GLRA3: variants seen among roughly 807,000 people sequenced by gnomAD.
The protein encoded by GLRA3 is glycine receptor alpha 3.
A neutral mutation model predicts 60.4 loss-of-function variants in GLRA3; 44 were observed. The ratio of observed to expected loss-of-function variants is 0.73; its 90% CI spans 0.57 to 0.94. The LOEUF (loss-of-function observed/expected upper bound fraction) is 0.94, where lower values mean the gene tolerates loss of function less well. GLRA3 is among the 40% of genes least tolerant of loss of function. The pLI, the probability that GLRA3 is intolerant of heterozygous loss-of-function variation, is 0.00. For synonymous variants in GLRA3, 223 were observed against 192.9 expected, an observed-to-expected ratio of 1.16 and a Z score of -1.29; for missense variants, 508 against 564.6, an observed-to-expected ratio of 0.90 and a Z score of 1.02.
At chr4:174,704,301 T>C (rs1475068865) in intron 5 of GLRA3, among the ~76,000 whole-genome samples, 3 of 142,882 alleles carry the variant, frequency 2.1e-5, no homozygotes, top group Non-Finnish European at 4.7e-5. Context: ...ATACAAAAAA[T>C]GGTGACAGCT....
At chr4:174,697,667 T>C (rs1735113250) in intron 5 of GLRA3, among the ~76,000 whole-genome samples, 2 of 152,214 alleles carry the variant, frequency 1.3e-5, no homozygotes. Context: ...CATTTTAACG[T>C]ATATCACAGA....
chr4:174,665,232 A>G lies in GLRA3; in HGVS notation c.928-6035T>C, dbSNP rs1478529944. ...CTCCACTCTGCCTCAGCTGCTTTGTATTTACTTTTTTTTTTTTTTTTTTTG... is the reference window on the plus strand; with the variant it reads ...CTCCACTCTGCCTCAGCTGCTTTGTGTTTACTTTTTTTTTTTTTTTTTTTG... On this transcript the variant is annotated intron_variant, in intron 7 of 9. Transcript: ENST00000274093. Among the ~76,000 whole-genome samples, 3 of 92,488 alleles carry G rather than the reference A, an allele frequency of 3.2e-5. No homozygotes were observed. The East Asian group carries it at 9.9e-4, about 30-fold the overall frequency. The allele number at this position is 92,488 out of a possible 152,430, so 60.7% of individuals were successfully genotyped here. A position where few individuals can be genotyped will look rare whatever the true frequency, so the allele number is the denominator to read the frequency against.
In GLRA3 at chr4:174,642,311, A is replaced by G; in HGVS notation, c.*1475T>C. On this transcript the variant is annotated 3_prime_UTR_variant, in exon 10 of 10. Transcript: ENST00000274093. The stretch of plus-strand genomic sequence containing the variant: ...GTTAAAGAACTGGCTTTTCTATTGT[A>G]CATCTGAGTTCATTGTTTTCTTAAT... The G allele has an allele frequency of 3.1e-6, 3 of 957,808 alleles. No individual in the cohort carries two copies. The highest frequency in any genetic ancestry group is 3.7e-6 in the Non-Finnish European group (3 of 812,914). The allele number at this position is 957,808 out of a possible 1,614,324, so 59.3% of individuals were successfully genotyped here. A position where few individuals can be genotyped will look rare whatever the true frequency, so the allele number is the denominator to read the frequency against.
chr4:174,788,160 T>C (rs1274360848), intron 2 of GLRA3, among the ~76,000 whole-genome samples: 1 of 152,060 alleles, frequency 6.6e-6, no homozygotes, highest in Non-Finnish European at 1.5e-5. Flanking sequence ...TATTTTACCA[T>C]TAAAGTGAAA....
chr4:174,680,449 T>TA (rs1734299167), intron 6 of GLRA3, among the ~76,000 whole-genome samples: 1 of 152,236 alleles, frequency 6.6e-6, no homozygotes, highest in Non-Finnish European at 1.5e-5. Flanking sequence ...TTTGGGCGTT[T>TA]AACACATATT....
intron 7 of GLRA3, among the ~76,000 whole-genome samples, chr4:174,666,780 T>A (rs867492050): frequency 0.025 from 3,611 of 144,978 alleles, 107 homozygotes; most frequent in African/African-American, 0.064. Flanking sequence ...TATATATATA[T>A]AATTGGATTT....
At chr4:174,823,064 G>T (rs1740809210) in intron 1 of GLRA3, among the ~76,000 whole-genome samples, 1 of 152,070 alleles carries the variant, frequency 6.6e-6, no homozygotes, top group East Asian at 1.9e-4. Flanking sequence ...TACTGTTACT[G>T]AACAGCTCAT....
intron 3 of GLRA3, among the ~76,000 whole-genome samples, chr4:174,735,804 T>C (rs1271672797): frequency 6.6e-6 from 1 of 152,148 alleles, no homozygotes; most frequent in East Asian, 1.9e-4. Flanking sequence ...TCAGGTGATA[T>C]GCCCACGTCA....
intron 3 of GLRA3, among the ~76,000 whole-genome samples, chr4:174,752,898 A>G (rs1291539387): frequency 2.0e-5 from 3 of 152,128 alleles, no homozygotes; most frequent in Non-Finnish European, 4.4e-5. Context: ...AGAAACTACT[A>G]AAATTTTTGA....
intron 5 of GLRA3, among the ~76,000 whole-genome samples, chr4:174,686,037 G>T (rs2110987552): frequency 6.6e-6 from 1 of 152,226 alleles, no homozygotes; most frequent in South Asian, 2.1e-4. Context: ...TCTTGCTTTT[G>T]TTTAAAACAG....
At chr4:174,676,892 G>A (rs1282084466) in intron 7 of GLRA3, among the ~76,000 whole-genome samples, 186 bp downstream of exon 7, 2 of 152,016 alleles carry the variant, frequency 1.3e-5, no homozygotes, top group African/African-American at 4.8e-5. Context: ...GGATATCACT[G>A]GTTTGCAGAA....
At chr4:174,817,676 C>T (rs141118792) in intron 1 of GLRA3, among the ~76,000 whole-genome samples, 1,912 of 152,200 alleles carry the variant, frequency 0.013, 44 homozygotes, top group African/African-American at 0.043. Context: ...GTCACTATCT[C>T]GGCTCACTGC....
intron 9 of GLRA3, among the ~76,000 whole-genome samples, chr4:174,652,369 T>C (rs1430120710): frequency 2.0e-5 from 3 of 152,044 alleles, no homozygotes; most frequent in Non-Finnish European, 2.9e-5. Flanking sequence ...TTAGTGGTTA[T>C]AAAATTAAGG....
At chr4:174,717,436 C>T (rs967584140) in intron 4 of GLRA3, among the ~76,000 whole-genome samples, 2 of 152,108 alleles carry the variant, frequency 1.3e-5, no homozygotes, top group African/African-American at 4.8e-5. Flanking sequence ...AAATAGTCTG[C>T]AGCTCTACTA....
rs1238075060 is a variant in GLRA3, at chr4:174,782,496, G to A, written c.199+6320C>T. 5.3e-5 allele frequency among the ~76,000 whole-genome samples: 8 copies of A among 149,726 alleles called. No homozygotes were observed. The East Asian group carries it at 1.4e-3, about 26-fold the overall frequency. On this transcript the variant is annotated intron_variant, in intron 2 of 9. Transcript: ENST00000274093. Reference sequence around the variant, plus strand: ...AATTAGGCAGGAGAAGGAAATAAAGGGTATTCAATTAGGAAAAGAGGAAGT... The same window carrying A: ...AATTAGGCAGGAGAAGGAAATAAAGAGTATTCAATTAGGAAAAGAGGAAGT...
intron 3 of GLRA3, among the ~76,000 whole-genome samples, chr4:174,734,019 C>CTTTCT (rs1736668846): frequency 6.7e-6 from 1 of 148,882 alleles, no homozygotes; most frequent in South Asian, 2.1e-4. Context: ...AATAGACTTT[C>CTTTCT]TTTTTTTTTT....
intron 9 of GLRA3, 102 bp downstream of exon 9, chr4:174,656,641 C>A: frequency 1.6e-6 from 1 of 625,594 alleles, no homozygotes; most frequent in Non-Finnish European, 3.0e-6. Flanking sequence ...ACAAAAGGGG[C>A]TGTGTTTCCC....
chr4:174,781,608 C>T (rs1216301598), intron 2 of GLRA3, among the ~76,000 whole-genome samples: 20 of 149,914 alleles, frequency 1.3e-4, no homozygotes, highest in Admixed American at 2.7e-4. Flanking sequence ...ATCAAATAGA[C>T]GCAATAAAAA....
At chr4:174,822,970 C>T (rs181017321) in intron 1 of GLRA3, among the ~76,000 whole-genome samples, 1 of 152,286 alleles carries the variant, frequency 6.6e-6, no homozygotes, top group East Asian at 1.9e-4. Flanking sequence ...CCACTGTTTC[C>T]TCTTCTGATA....
Sources: allele counts gnomAD v4.1 joint callset (sites outside exome capture counted in the v4.1 genomes callset), GRCh38; gene constraint gnomAD v4.1.1; transcripts MANE v1.5; gene names NCBI Gene and HGNC (gene_info 2026-07-23, HGNC 2026-07-21).